Variants in NPAS2 observed in about 807,000 individuals in gnomAD.
NPAS2 encodes the protein neuronal PAS domain protein 2, also known as neuronal PAS domain-containing protein 2.
In NPAS2, 23 loss-of-function variants were observed where a neutral mutation model predicts 107.5. The observed-to-expected ratio is 0.21, with a 90% confidence interval of 0.15 to 0.30. The LOEUF is 0.30. NPAS2 is among the 10% of genes least tolerant of loss of function. The pLI is 1.00. For missense variants in NPAS2, 756 were observed against 1,043.3 expected, an observed-to-expected ratio of 0.72 and a Z score of 3.79; for synonymous variants, 403 against 417.5, an observed-to-expected ratio of 0.97 and a Z score of 0.42.
At chr2:100,822,186 G>A (rs1009721146) in intron 1 of NPAS2, among the ~76,000 whole-genome samples, 4 of 152,168 alleles carry the variant, frequency 2.6e-5, no homozygotes, top group African/African-American at 9.7e-5. Context: ...AAGGAAATAC[G>A]TTCTAGAGGA....
At chr2:100,916,789 C>A (rs1009301755) in intron 2 of NPAS2, among the ~76,000 whole-genome samples, 2 of 152,150 alleles carry the variant, frequency 1.3e-5, no homozygotes, top group Non-Finnish European at 2.9e-5. Context: ...ACATATTGAA[C>A]ATTTACCAAG....
intron 1 of NPAS2, among the ~76,000 whole-genome samples, chr2:100,852,378 C>T (rs1332154919): frequency 6.6e-6 from 1 of 151,950 alleles, no homozygotes; most frequent in Non-Finnish European, 1.5e-5. Context: ...GCCTGGGTGA[C>T]AGAGCGAGAC....
chr2:100,943,720 C>T (rs1674718466), intron 5 of NPAS2, among the ~76,000 whole-genome samples: 1 of 152,218 alleles, frequency 6.6e-6, no homozygotes, highest in Admixed American at 6.5e-5. Flanking sequence ...ATTCCACAAC[C>T]TGCTACTCAG....
At chr2:100,901,162 G>T (rs1681744617) in intron 1 of NPAS2, among the ~76,000 whole-genome samples, 1 of 152,148 alleles carries the variant, frequency 6.6e-6, no homozygotes, top group Non-Finnish European at 1.5e-5. Flanking sequence ...TGTGGGTGGA[G>T]AGTAGGGAAC....
intron 3 of NPAS2, among the ~76,000 whole-genome samples, chr2:100,927,580 G>T (rs1233687521): frequency 6.6e-6 from 1 of 152,208 alleles, no homozygotes; most frequent in Non-Finnish European, 1.5e-5. Context: ...GGTTGCTTTT[G>T]CCTGTTGGAA....
chr2:100,971,120 A>G, intron 12 of NPAS2, 46 bp downstream of exon 12: 1 of 1,558,592 alleles, frequency 6.4e-7, no homozygotes, highest in Non-Finnish European at 8.8e-7. Context: ...TTGGCTAGGA[A>G]GAAAATGCAG....
At chr2:100,883,991 G>A (rs1411741711) in intron 1 of NPAS2, among the ~76,000 whole-genome samples, 1 of 152,130 alleles carries the variant, frequency 6.6e-6, no homozygotes, top group Non-Finnish European at 1.5e-5. Flanking sequence ...AAGAGAAGAG[G>A]AGCAGCTCTT....
intron 5 of NPAS2, among the ~76,000 whole-genome samples, chr2:100,943,072 A>C (rs904009028): frequency 6.6e-6 from 1 of 152,120 alleles, no homozygotes; most frequent in Non-Finnish European, 1.5e-5. Flanking sequence ...GACTGACTAG[A>C]TGTAGAATGG....
At chr2:100,948,179 C>T in intron 5 of NPAS2, 56 bp from the exon 6 acceptor site, 1 of 1,587,142 alleles carries the variant, frequency 6.3e-7, no homozygotes, top group Admixed American at 1.9e-5. Context: ...TTTGTTTTTG[C>T]TTCTGTTTTT....
chr2:100,895,151 G>T (rs1681324898), intron 1 of NPAS2, among the ~76,000 whole-genome samples: 1 of 152,170 alleles, frequency 6.6e-6, no homozygotes, highest in South Asian at 2.1e-4. Flanking sequence ...AGAAGGGAAT[G>T]ATTATCCTGT....
chr2:100,986,277 G>C (rs926007817), intron 16 of NPAS2: 1 of 152,162 alleles, frequency 6.6e-6, no homozygotes, highest in African/African-American at 2.4e-5. Context: ...TGCCCATCTC[G>C]GGCCTCTGGT....
At chr2:100,831,341 G>A (rs1035645274) in intron 1 of NPAS2, among the ~76,000 whole-genome samples, 2 of 152,114 alleles carry the variant, frequency 1.3e-5, no homozygotes, top group African/African-American at 2.4e-5. Flanking sequence ...TGTTTGCCAC[G>A]TCAGCACTTC....
chr2:100,948,470 C>T, intron 6 of NPAS2, 115 bp downstream of exon 6: 1 of 969,998 alleles, frequency 1.0e-6, no homozygotes, highest in East Asian at 2.7e-5. Context: ...TTCCTCATGA[C>T]TCAGAACATT....
At chr2:100,873,307 T>TATATATATATATACACACAC (rs1280164445) in intron 1 of NPAS2, among the ~76,000 whole-genome samples, 1 of 41,894 alleles carries the variant, frequency 2.4e-5, no homozygotes, top group Non-Finnish European at 4.5e-5. Flanking sequence ...TATATATATA[T>TATATATATATATACACACAC]ACACACACAC....
chr2:100,993,815 T>C (rs1283467394), intron 20 of NPAS2: 1 of 348,838 alleles, frequency 2.9e-6, no homozygotes, highest in Non-Finnish European at 5.1e-6. Context: ...ATTTGCATCT[T>C]GATATGTTCA....
At chr2:100,880,781 A>G (rs1680282804) in intron 1 of NPAS2, among the ~76,000 whole-genome samples, 1 of 150,970 alleles carries the variant, frequency 6.6e-6, no homozygotes, top group South Asian at 2.1e-4. Flanking sequence ...TTAAACAATA[A>G]TCTGAGGGCT....
intron 5 of NPAS2, among the ~76,000 whole-genome samples, chr2:100,945,707 C>A (rs1674852796): frequency 6.6e-6 from 1 of 152,186 alleles, no homozygotes; most frequent in Non-Finnish European, 1.5e-5. Flanking sequence ...GGGTACCCAC[C>A]TTATGCCTCT....
chr2:100,920,096 T>A (rs575163424), intron 2 of NPAS2, among the ~76,000 whole-genome samples: 1 of 152,240 alleles, frequency 6.6e-6, no homozygotes, highest in Admixed American at 6.5e-5. Flanking sequence ...TGTCTCTAAT[T>A]GCCCTTGTCC....
chr2:100,994,890 CCA>C (rs1678355424), intron 20 of NPAS2: 1 of 153,172 alleles, frequency 6.5e-6, no homozygotes, highest in Non-Finnish European at 1.5e-5. Context: ...ACTGAAGTTT[CCA>C]AAGTCAGGCT....
Sources: gnomAD v4.1 joint callset for allele counts (sites outside exome capture counted in the v4.1 genomes callset) on GRCh38, gnomAD v4.1.1 for gene constraint, MANE v1.5 for transcripts, NCBI Gene and HGNC (gene_info 2026-07-23, HGNC 2026-07-21) for gene names.